Variants in ANKRD13B observed in about 807,000 individuals in gnomAD.
ANKRD13B encodes ankyrin repeat domain 13B.
In ANKRD13B, 33 loss-of-function variants were observed where a neutral mutation model predicts 74.4. The ratio of observed to expected loss-of-function variants is 0.44; its 90% CI spans 0.34 to 0.59. The LOEUF is 0.59. ANKRD13B is among the 20% of genes least tolerant of loss of function. The pLI is 0.02. For synonymous variants in ANKRD13B, 341 were observed against 362.9 expected (o/e 0.94, Z 0.68); for missense variants, 676 against 877.9 (o/e 0.77, Z 2.91).
intron 1 of ANKRD13B, among the ~76,000 whole-genome samples, chr17:29,600,609 A>G (rs1477839073): frequency 6.6e-6 from 1 of 152,184 alleles, no homozygotes; most frequent in African/African-American, 2.4e-5. Context: ...TCCCAGCTTA[A>G]TGAGGCTGGG....
chr17:29,613,756 T>C lies in ANKRD13B; in HGVS notation c.*174T>C. ...GGAGGGATTCGGCATGGCCGCGGGG[T>C]ACCTTCCCAGGCCAGGGCCCTGGAG... On this transcript the variant is annotated 3_prime_UTR_variant, in exon 15 of 15. Transcript: ENST00000394859. 3 of 1,101,370 alleles carry C rather than the reference T, an allele frequency of 2.7e-6. No homozygotes were observed. Among genetic ancestry groups the C allele is most frequent in the Non-Finnish European group, 3.6e-6 (3 of 825,082 alleles). The allele number at this position is 1,101,370 out of a possible 1,614,324, so 68.2% of individuals were successfully genotyped here. A position where few individuals can be genotyped will look rare whatever the true frequency, so the allele number is the denominator to read the frequency against.
chr17:29,599,915 C>T (rs892424088), intron 1 of ANKRD13B, among the ~76,000 whole-genome samples: 3 of 112,280 alleles, frequency 2.7e-5, no homozygotes, highest in Admixed American at 1.4e-4. Flanking sequence ...CTCGCTCTGT[C>T]CCCCGCGCTA....
chr17:29,595,270 A>G (rs992137199), intron 1 of ANKRD13B, among the ~76,000 whole-genome samples: 14 of 152,198 alleles, frequency 9.2e-5, no homozygotes, highest in Admixed American at 2.0e-4. Flanking sequence ...TTCCAGGGTG[A>G]TGTGCAAAGC....
At position 29,613,585 on chromosome 17, in the gene ANKRD13B, C is replaced by T. The variant is rs1420465230; in HGVS notation, c.*3C>T. 1 of 1,436,520 alleles carries T rather than the reference C, an allele frequency of 7.0e-7. No homozygotes were observed. The highest frequency in any genetic ancestry group is 1.5e-5 in the African/African-American group (1 of 67,464). The allele number at this position is 1,436,520 out of a possible 1,614,324, so 89.0% of individuals were successfully genotyped here. A position where few individuals can be genotyped will look rare whatever the true frequency, so the allele number is the denominator to read the frequency against. Reference sequence around the variant, plus strand: ...GGCTCTCACTGACCGAGCAGTAGCGCCCCCTGCCGGGACCCTCGCCAGCGC... The same window carrying T: ...GGCTCTCACTGACCGAGCAGTAGCGTCCCCTGCCGGGACCCTCGCCAGCGC... On this transcript the variant is annotated 3_prime_UTR_variant, in exon 15 of 15. Coordinates refer to ENST00000394859, the MANE Select transcript of ANKRD13B (RefSeq NM_152345.5).
chr17:29,596,512 G>A (rs891200230), intron 1 of ANKRD13B, among the ~76,000 whole-genome samples: 4 of 152,360 alleles, frequency 2.6e-5, no homozygotes, highest in Admixed American at 1.3e-4. Context: ...TGGGAACAGG[G>A]GGAAGGGTTA....
intron 1 of ANKRD13B, among the ~76,000 whole-genome samples, chr17:29,596,136 T>C (rs558221176): frequency 6.6e-6 from 1 of 152,372 alleles, no homozygotes; most frequent in East Asian, 1.9e-4. Context: ...TAGCTGCCTC[T>C]TCTTCACTCC....
chr17:29,613,249 G>T (rs2034669782), intron 14 of ANKRD13B, 105 bp from the exon 15 acceptor site: 1 of 1,388,112 alleles, frequency 7.2e-7, no homozygotes, highest in African/African-American at 1.5e-5. Flanking sequence ...GCCTCCACTA[G>T]AGGGTGGTGG....
chr17:29,598,435 G>C (rs1176319423), intron 1 of ANKRD13B, among the ~76,000 whole-genome samples: 1 of 151,984 alleles, frequency 6.6e-6, no homozygotes, highest in Non-Finnish European at 1.5e-5. Context: ...GACTCCTTTT[G>C]TCATTTACCT....
At chr17:29,595,863 C>T (rs1314676895) in intron 1 of ANKRD13B, among the ~76,000 whole-genome samples, 1 of 152,164 alleles carries the variant, frequency 6.6e-6, no homozygotes, top group Non-Finnish European at 1.5e-5. Flanking sequence ...GGAGAGTTCC[C>T]TAGCTGTCTC....
At chr17:29,596,608 G>A (rs537060880) in intron 1 of ANKRD13B, among the ~76,000 whole-genome samples, 1 of 152,312 alleles carries the variant, frequency 6.6e-6, no homozygotes, top group East Asian at 1.9e-4. Flanking sequence ...CCCTGAAGTG[G>A]GCAGATTGTG....
chr17:29,610,586 C>T, intron 7 of ANKRD13B, 99 bp from the exon 8 acceptor site: 2 of 1,021,496 alleles, frequency 2.0e-6, no homozygotes, highest in Non-Finnish European at 2.9e-6. Flanking sequence ...AGAGTCTCTC[C>T]AGGACCCTTT....
Position 29,608,800 on chromosome 17 carries a change from G to A in ANKRD13B, c.422-51G>A, listed in dbSNP as rs778086530. 6.2e-7 allele frequency: 1 copy of A among 1,609,668 alleles called. No homozygotes were observed. Among genetic ancestry groups the A allele is most frequent in the South Asian group, 1.1e-5 (1 of 90,600 alleles). ...AACCCCATGCCCTGAGCTGGTCCAG[G>A]CCGTGTAGGCCAGACCAGTCAAAGC... On this transcript the variant is annotated intron_variant, in intron 4 of 14. Transcript: ENST00000394859. The surrounding 1 kb of genome is among the most constrained non-coding windows in gnomAD (Gnocchi z 6.4).
chr17:29,597,506 C>G (rs1249052766), intron 1 of ANKRD13B, among the ~76,000 whole-genome samples: 1 of 151,988 alleles, frequency 6.6e-6, no homozygotes, highest in Non-Finnish European at 1.5e-5. Context: ...TCCAAAGACT[C>G]CACCTTTTGA....
chr17:29,594,416 G>T (rs1048799699), intron 1 of ANKRD13B, among the ~76,000 whole-genome samples: 2 of 152,238 alleles, frequency 1.3e-5, no homozygotes, highest in Admixed American at 1.3e-4. Context: ...TTGAGGTTCT[G>T]CGCACCAGGT....
rs1476302901 is a variant in ANKRD13B, at chr17:29,609,607, G to A, written c.822+186G>A. On this transcript the variant is annotated intron_variant, in intron 7 of 14. Coordinates refer to ENST00000394859, the MANE Select transcript of ANKRD13B (RefSeq NM_152345.5). The surrounding 1 kb of genome is among the most constrained non-coding windows in gnomAD (Gnocchi z 4.0). ...ATGGATGTATGGATGTATACACAGG[G>A]CACGTGCACACGCACACACACACAC... Among the ~76,000 whole-genome samples, 2 of 152,214 alleles carry A rather than the reference G, an allele frequency of 1.3e-5. No homozygotes were observed. The highest frequency in any genetic ancestry group is 4.8e-5 in the African/African-American group (2 of 41,448).
chr17:29,612,622 C>A lies in ANKRD13B; in HGVS notation c.1412-30C>A, dbSNP rs1015050515. On this transcript the variant is annotated intron_variant, in intron 12 of 14. Coordinates refer to ENST00000394859, the MANE Select transcript of ANKRD13B (RefSeq NM_152345.5). This position sits in a 1 kb window ranked among gnomAD's most constrained non-coding sequence, Gnocchi z 6.1. ...GGGTGGGTGGGAGGGGCGCGCCCGG[C>A]CGTGCCTGACCCAGCCCCCGCGCCC... 4 of 1,520,054 alleles carry A rather than the reference C, an allele frequency of 2.6e-6. No individual in the cohort carries two copies. The highest frequency in any genetic ancestry group is 3.5e-6 in the Non-Finnish European group (4 of 1,137,064). The allele number at this position is 1,520,054 out of a possible 1,614,324, so 94.2% of individuals were successfully genotyped here. A position where few individuals can be genotyped will look rare whatever the true frequency, so the allele number is the denominator to read the frequency against.
chr17:29,593,520 A>T lies in ANKRD13B; in HGVS notation c.-102A>T, dbSNP rs1444646663. On this transcript the variant is annotated 5_prime_UTR_variant, in exon 1 of 15. Coordinates refer to ENST00000394859, the MANE Select transcript of ANKRD13B (RefSeq NM_152345.5). ...CACATGCCCGAGCCGCAGCCCCGCG[A>T]GCAGGCAGCGCCGGCCCCCCGCCCC... 3.2e-5 allele frequency: 11 copies of T among 345,964 alleles called. No individual in the cohort carries two copies. The South Asian group carries it at 8.5e-4, about 27-fold the overall frequency. 21.4% of individuals were successfully genotyped at this position (345,964 alleles called of 1,614,324 possible).
chr17:29,597,274 G>T (rs891905143), intron 1 of ANKRD13B, among the ~76,000 whole-genome samples: 1 of 152,244 alleles, frequency 6.6e-6, no homozygotes, highest in Non-Finnish European at 1.5e-5. Context: ...GGTGTGAGGG[G>T]TGTTCCTGTG....
chr17:29,599,867 T>TG (rs1204805154), intron 1 of ANKRD13B, among the ~76,000 whole-genome samples: 2 of 105,830 alleles, frequency 1.9e-5, no homozygotes, highest in African/African-American at 8.7e-5. Context: ...TCTAATTTGT[T>TG]TTTTTTTTTT....
Sources: gnomAD v4.1 joint callset for allele counts (sites outside exome capture counted in the v4.1 genomes callset) on GRCh38, gnomAD v4.1.1 for gene constraint, Gnocchi (gnomAD v3.1) non-coding constraint, MANE v1.5 for transcripts, NCBI Gene and HGNC (gene_info 2026-07-23, HGNC 2026-07-21) for gene names.